PTPRM: variants seen among roughly 807,000 people sequenced by gnomAD.
PTPRM encodes receptor-type tyrosine-protein phosphatase mu.
PTPRM carries 47 observed loss-of-function variants against 186.7 expected under a neutral mutation model. The observed-to-expected ratio is 0.25, with a 90% CI of 0.20 to 0.32. PTPRM has a LOEUF of 0.32. Among genes scored for constraint, PTPRM ranks in the 10% least tolerant of loss-of-function variants. PTPRM has a pLI of 1.00. For missense variants in PTPRM, 1,494 were observed against 1,865.0 expected, an observed-to-expected ratio of 0.80 and a Z score of 3.66; for synonymous variants, 668 against 674.9, an observed-to-expected ratio of 0.99 and a Z score of 0.16.
At chr18:7,825,400 A>G (rs2045431010) in intron 2 of PTPRM, among the ~76,000 whole-genome samples, 1 of 152,348 alleles carries the variant, frequency 6.6e-6, no homozygotes, top group Non-Finnish European at 1.5e-5. Context: ...CATGAAAAAA[A>G]TCACTGAAAG....
At chr18:8,032,325 C>G (rs1279335584) in intron 7 of PTPRM, among the ~76,000 whole-genome samples, 2 of 152,118 alleles carry the variant, frequency 1.3e-5, no homozygotes, top group Non-Finnish European at 2.9e-5. Context: ...TATAAAACTT[C>G]ATAATACTCC....
At chr18:8,090,441 T>C (rs1004836434) in intron 11 of PTPRM, among the ~76,000 whole-genome samples, 1 of 152,200 alleles carries the variant, frequency 6.6e-6, no homozygotes, top group Admixed American at 6.5e-5. Context: ...AGCTGAAAGC[T>C]TAATCATTTT....
At chr18:7,675,825 C>T (rs1303493140) in intron 1 of PTPRM, among the ~76,000 whole-genome samples, 1 of 151,748 alleles carries the variant, frequency 6.6e-6, no homozygotes, top group African/African-American at 2.4e-5. Flanking sequence ...ACCTCTGCCT[C>T]CCGGGTTCAA....
intron 14 of PTPRM, among the ~76,000 whole-genome samples, chr18:8,236,566 G>A (rs1673046236): frequency 1.3e-5 from 2 of 151,580 alleles, no homozygotes; most frequent in Non-Finnish European, 2.9e-5. Flanking sequence ...TTTTGAGATG[G>A]GGTCTTGCTA....
chr18:7,734,547 A>G (rs541114561), intron 1 of PTPRM, among the ~76,000 whole-genome samples: 98 of 152,312 alleles, frequency 6.4e-4, no homozygotes, highest in African/African-American at 2.1e-3. Context: ...GGGAGAGGGA[A>G]GGCAAATCTG....
At chr18:7,983,646 TTAAG>T (rs1412496049) in intron 7 of PTPRM, among the ~76,000 whole-genome samples, 1 of 152,150 alleles carries the variant, frequency 6.6e-6, no homozygotes, top group African/African-American at 2.4e-5. Context: ...TTTTAAACAT[TTAAG>T]TAACTGCTCC....
chr18:7,656,129 A>G lies in PTPRM; in HGVS notation c.73+88238A>G, dbSNP rs142550682. On this transcript the variant is annotated intron_variant, in intron 1 of 32. Transcript: ENST00000580170. ...GTCTCTAAAAGAAATTTGCACACAC[A>G]TGTTCATTGCAGCATTATACACGAT... 5.3e-5 allele frequency among the ~76,000 whole-genome samples: 8 copies of G among 152,342 alleles called. No homozygotes were observed. The East Asian group carries it at 1.5e-3, about 29-fold the overall frequency.
intron 6 of PTPRM, among the ~76,000 whole-genome samples, chr18:7,952,164 TACTG>T (rs2053007631): frequency 6.6e-6 from 1 of 152,380 alleles, no homozygotes; most frequent in African/African-American, 2.4e-5. Flanking sequence ...TTAAATATGA[TACTG>T]ACATATTTAT....
At chr18:7,937,785 A>G (rs1027113614) in intron 5 of PTPRM, among the ~76,000 whole-genome samples, 6 of 152,174 alleles carry the variant, frequency 3.9e-5, no homozygotes, top group Non-Finnish European at 8.8e-5. Context: ...TATTGTTGTC[A>G]TCATCAGCAT....
chr18:7,613,740 C>A (rs950440300), intron 1 of PTPRM, among the ~76,000 whole-genome samples: 2 of 151,964 alleles, frequency 1.3e-5, no homozygotes, highest in African/African-American at 4.8e-5. Flanking sequence ...AGTAAATAAA[C>A]ACTTGGTTGA....
At chr18:8,124,987 G>A (rs985642741) in intron 13 of PTPRM, among the ~76,000 whole-genome samples, 2 of 151,990 alleles carry the variant, frequency 1.3e-5, no homozygotes, top group African/African-American at 4.8e-5. Flanking sequence ...GTGCTTGCTG[G>A]TTAGGTTTCC....
chr18:8,403,994 G>A (rs909021908), intron 32 of PTPRM: 1 of 152,122 alleles, frequency 6.6e-6, no homozygotes, highest in African/African-American at 2.4e-5. Context: ...TGGCTGTTAG[G>A]AATAATGCTC....
At chr18:7,752,109 C>T (rs916484714) in intron 1 of PTPRM, among the ~76,000 whole-genome samples, 11 of 152,178 alleles carry the variant, frequency 7.2e-5, no homozygotes, top group African/African-American at 2.2e-4. Flanking sequence ...TCTTTTTCCT[C>T]CTGTTTCCCC....
At chr18:8,327,798 C>T (rs751045369) in intron 22 of PTPRM, among the ~76,000 whole-genome samples, 5 of 152,144 alleles carry the variant, frequency 3.3e-5, no homozygotes, top group African/African-American at 4.8e-5. Flanking sequence ...AGAGACAGTC[C>T]ATCTTGTTAA....
chr18:7,718,317 C>A (rs950094043), intron 1 of PTPRM, among the ~76,000 whole-genome samples: 1 of 152,102 alleles, frequency 6.6e-6, no homozygotes. Flanking sequence ...GGGGGAAGGA[C>A]ACCCTATTCA....
chr18:7,639,568 G>T (rs1370778804), intron 1 of PTPRM, among the ~76,000 whole-genome samples: 1 of 151,220 alleles, frequency 6.6e-6, no homozygotes, highest in African/African-American at 2.4e-5. Context: ...TGTATTTTTA[G>T]TAGAGATGGG....
At chr18:8,030,131 T>G (rs1227107819) in intron 7 of PTPRM, among the ~76,000 whole-genome samples, 1 of 152,240 alleles carries the variant, frequency 6.6e-6, no homozygotes, top group Non-Finnish European at 1.5e-5. Context: ...TCAAGGAAGA[T>G]ACTGCATATG....
chr18:7,960,145 T>G (rs2053565928), intron 7 of PTPRM, among the ~76,000 whole-genome samples: 2 of 152,178 alleles, frequency 1.3e-5, no homozygotes, highest in African/African-American at 4.8e-5. Flanking sequence ...GGTTATTAAC[T>G]GTGGTTAAGT....
At chr18:7,687,145 A>G (rs1049987040) in intron 1 of PTPRM, among the ~76,000 whole-genome samples, 1 of 152,196 alleles carries the variant, frequency 6.6e-6, no homozygotes, top group African/African-American at 2.4e-5. Context: ...CAGTTTTACT[A>G]TTAGATTGCA....
Sources: allele counts gnomAD v4.1 joint callset (sites outside exome capture counted in the v4.1 genomes callset), GRCh38; gene constraint gnomAD v4.1.1; transcripts MANE v1.5; gene names NCBI Gene and HGNC (gene_info 2026-07-23, HGNC 2026-07-21).